HOMER2: variants seen among roughly 807,000 people sequenced by gnomAD.
HOMER2 encodes homer protein homolog 2.
In HOMER2, 27 loss-of-function variants were observed where a neutral mutation model predicts 47.0. That is an observed-to-expected ratio of 0.57 (90% CI 0.42 to 0.79). The LOEUF is 0.79. Ranked by LOEUF, HOMER2 falls within the 30% of genes least tolerant of loss-of-function variation. The probability of loss-of-function intolerance (pLI) is 0.00; values close to 1 mark genes in which losing one functional copy is unlikely to be tolerated. For synonymous variants in HOMER2, 161 were observed against 163.8 expected, an observed-to-expected ratio of 0.98 and a Z score of 0.13; for missense variants, 443 against 435.0, an observed-to-expected ratio of 1.02 and a Z score of -0.16.
chr15:82,845,928 T>C (rs2151588300), downstream of HOMER2: 1 of 152,386 alleles, frequency 6.6e-6, no homozygotes, highest in East Asian at 1.9e-4. Context: ...CACCCTTTAC[T>C]TGATGTTTTG....
chr15:82,900,892 A>C (rs1301570869), intron 1 of HOMER2, among the ~76,000 whole-genome samples: 2 of 152,236 alleles, frequency 1.3e-5, no homozygotes, highest in Admixed American at 6.5e-5. Flanking sequence ...ATCTGATAGA[A>C]GAAATACTTG....
Position 82,868,539 on chromosome 15 carries a change from ATATT to A in HOMER2, c.295-4284_295-4281del, listed in dbSNP as rs1224313928. On this transcript the variant is annotated intron_variant, in intron 3 of 8. Transcript: ENST00000450735. ...TTATTTATTTTATATATATATATAT[ATATT>A]TTTTTTTTTTTTTTTCCCCTTTTGA... 6.4e-5 allele frequency among the ~76,000 whole-genome samples: 4 copies of A among 62,432 alleles called. 1 individual carries two copies. Among genetic ancestry groups the A allele is most frequent in the Non-Finnish European group, 1.0e-4 (3 of 29,442 alleles). The allele number at this position is 62,432 out of a possible 152,430, so 41.0% of individuals were successfully genotyped here.
intron 1 of HOMER2, among the ~76,000 whole-genome samples, chr15:82,965,782 T>A (rs547615805): frequency 2.0e-5 from 3 of 151,656 alleles, no homozygotes; most frequent in South Asian, 2.1e-4. Flanking sequence ...TTTTTTTTTT[T>A]ATTTTCCAGC....
chr15:82,978,725 G>GT (rs1184081947), intron 1 of HOMER2, among the ~76,000 whole-genome samples: 1 of 151,844 alleles, frequency 6.6e-6, no homozygotes, highest in Non-Finnish European at 1.5e-5. Context: ...AGATCTGACA[G>GT]TTTTTTATTT....
chr15:82,963,644 G>A (rs1202106619), intron 1 of HOMER2, among the ~76,000 whole-genome samples: 1 of 152,162 alleles, frequency 6.6e-6, no homozygotes, highest in Non-Finnish European at 1.5e-5. Context: ...TAAGCACCTG[G>A]AGTGATTCTT....
chr15:82,941,609 G>T (rs982268715), intron 1 of HOMER2, among the ~76,000 whole-genome samples: 1 of 151,656 alleles, frequency 6.6e-6, no homozygotes, highest in Non-Finnish European at 1.5e-5. Flanking sequence ...TTGATGCCCA[G>T]GTCAGGCCTC....
At chr15:82,912,719 G>A (rs920108285) in intron 1 of HOMER2, among the ~76,000 whole-genome samples, 3 of 152,148 alleles carry the variant, frequency 2.0e-5, no homozygotes, top group Admixed American at 6.5e-5. Flanking sequence ...ATGTATAAGC[G>A]TTCCAATTTG....
At chr15:82,966,714 C>T (rs571661888) in intron 1 of HOMER2, among the ~76,000 whole-genome samples, 2 of 152,328 alleles carry the variant, frequency 1.3e-5, no homozygotes, top group Admixed American at 1.3e-4. Flanking sequence ...GTCTCACTGG[C>T]ATTTCATGAC....
intron 3 of HOMER2, among the ~76,000 whole-genome samples, chr15:82,869,785 T>C (rs191904185): frequency 6.6e-6 from 1 of 152,270 alleles, no homozygotes; most frequent in African/African-American, 2.4e-5. Context: ...TCGCTACATA[T>C]TACCCTGAAG....
chr15:82,903,619 AAC>A (rs562702267), intron 1 of HOMER2, among the ~76,000 whole-genome samples: 35 of 150,740 alleles, frequency 2.3e-4, no homozygotes, highest in Middle Eastern at 3.5e-3. Context: ...AACTCCTCTA[AAC>A]ACACACACAC....
At chr15:82,918,838 G>A (rs1391581320) in intron 1 of HOMER2, among the ~76,000 whole-genome samples, 2 of 152,238 alleles carry the variant, frequency 1.3e-5, no homozygotes, top group Non-Finnish European at 2.9e-5. Context: ...ATGGGCCACA[G>A]GTGTGTTGAA....
chr15:82,914,189 A>G (rs1433281983), intron 1 of HOMER2, among the ~76,000 whole-genome samples: 2 of 110,454 alleles, frequency 1.8e-5, no homozygotes, highest in Non-Finnish European at 2.1e-5. Flanking sequence ...ACACACACAC[A>G]CACACACACA....
intron 1 of HOMER2, among the ~76,000 whole-genome samples, chr15:82,901,634 G>T (rs1283960266): frequency 6.6e-6 from 1 of 152,210 alleles, no homozygotes; most frequent in Non-Finnish European, 1.5e-5. Flanking sequence ...GGCACAGGAA[G>T]CGGGTGGCAG....
At chr15:82,939,601 C>T (rs1261639925) in intron 1 of HOMER2, among the ~76,000 whole-genome samples, 2 of 152,138 alleles carry the variant, frequency 1.3e-5, no homozygotes, top group Non-Finnish European at 2.9e-5. Flanking sequence ...ACCTGGGAGG[C>T]AGAGGTTTCA....
At chr15:82,962,039 C>T (rs1596385602) in intron 1 of HOMER2, among the ~76,000 whole-genome samples, 1 of 151,152 alleles carries the variant, frequency 6.6e-6, no homozygotes, top group African/African-American at 2.4e-5. Flanking sequence ...GCTGGAATTA[C>T]AGATGTGAGC....
At chr15:82,912,041 A>G (rs1440662865) in intron 1 of HOMER2, among the ~76,000 whole-genome samples, 1 of 152,202 alleles carries the variant, frequency 6.6e-6, no homozygotes, top group African/African-American at 2.4e-5. Flanking sequence ...AAAAATAAAT[A>G]AATGAATTTA....
At chr15:82,843,775 G>T (rs2051203206) in exon 2 of HOMER2, 1 of 152,250 alleles carries the variant, frequency 6.6e-6, no homozygotes, top group African/African-American at 2.4e-5. Flanking sequence ...CACACTGTGG[G>T]TGGGAGTATA....
At chr15:82,877,371 T>C (rs894298014) in intron 2 of HOMER2, among the ~76,000 whole-genome samples, 11 of 152,186 alleles carry the variant, frequency 7.2e-5, no homozygotes, top group African/African-American at 2.7e-4. Flanking sequence ...GGCTTCATCA[T>C]GTTGGCCAGG....
At position 82,849,830 on chromosome 15, in the gene HOMER2, T is replaced by C. The variant is rs771671121; in HGVS notation, c.917A>G (p.Tyr306Cys). 6.2e-7 allele frequency: 1 copy of C among 1,613,988 alleles called. No homozygotes were observed. The highest frequency in any genetic ancestry group is 2.2e-5 in the East Asian group (1 of 44,874). Residue 306 changes from tyrosine to cysteine, a missense_variant, in exon 9 of 9, where the codon TAC becomes TGC. Coordinates refer to ENST00000450735, the MANE Select transcript of HOMER2 (RefSeq NM_004839.4). ...CTCCACCTTCAGGTGGCGCTGTCGG[T>C]ATTTGCTCTCCTCAATGTCTGTCTT... The part of the protein sequence containing the change: ...SLKTDIEESK[Y>C]RQRHLKVELK...
Sources: allele counts gnomAD v4.1 joint callset (sites outside exome capture counted in the v4.1 genomes callset), GRCh38; gene constraint gnomAD v4.1.1; transcripts MANE v1.5; gene names NCBI Gene and HGNC (gene_info 2026-07-23, HGNC 2026-07-21).